NDST4: variants seen among roughly 807,000 people sequenced by gnomAD.
The protein encoded by NDST4 is N-deacetylase and N-sulfotransferase 4, also known as N-heparan sulfate sulfotransferase 4.
NDST4 carries 63 observed loss-of-function variants against 100.8 expected under a neutral mutation model. The observed-to-expected ratio is 0.62, with a 90% CI of 0.51 to 0.77. The LOEUF (loss-of-function observed/expected upper bound fraction) is 0.77. NDST4 is among the 30% of genes least tolerant of loss of function. The pLI, the probability that NDST4 is intolerant of heterozygous loss-of-function variation, is 0.00. For missense variants in NDST4, 943 were observed against 1,018.4 expected, an observed-to-expected ratio of 0.93 and a Z score of 1.01; for synonymous variants, 377 against 361.8, an observed-to-expected ratio of 1.04 and a Z score of -0.48.
intron 2 of NDST4, among the ~76,000 whole-genome samples, chr4:115,036,860 T>C (rs1728243933): frequency 6.6e-6 from 1 of 152,038 alleles, no homozygotes; most frequent in Admixed American, 6.6e-5. Flanking sequence ...TTATATAATA[T>C]CCTTCAAACT....
intron 6 of NDST4, among the ~76,000 whole-genome samples, chr4:114,898,645 T>C (rs2126209136): frequency 6.6e-6 from 1 of 152,326 alleles, no homozygotes; most frequent in African/African-American, 2.4e-5. Context: ...ATCTTGGTAA[T>C]ATTGAGTCTT....
In NDST4 at chr4:114,889,804, T is replaced by C. The variant is rs116422999; in HGVS notation, c.1537-18854A>G. On this transcript the variant is annotated intron_variant, in intron 6 of 13. Coordinates refer to ENST00000264363, the MANE Select transcript of NDST4 (RefSeq NM_022569.3). ...TTCGGGCTTCATCGTTTTCTAACTG[T>C]TGGCTATGGGGAATTTTTTTATTTT... 7.4e-3 allele frequency among the ~76,000 whole-genome samples: 1,121 copies of C among 152,292 alleles called. 4 individuals are homozygous for C. The highest frequency in any genetic ancestry group is 0.011 in the Non-Finnish European group (762 of 68,026).
chr4:115,038,431 C>T (rs568597531), intron 2 of NDST4, among the ~76,000 whole-genome samples: 6 of 152,140 alleles, frequency 3.9e-5, no homozygotes, highest in African/African-American at 1.4e-4. Flanking sequence ...AAGACTAAAT[C>T]CCTCTGGTTT....
chr4:114,867,665 C>CAAAAAAAAAAAAAAAAAAAAAAAAAA, intron 7 of NDST4, among the ~76,000 whole-genome samples: 58 of 79,844 alleles, frequency 7.3e-4, no homozygotes, highest in Non-Finnish European at 8.1e-4. Flanking sequence ...AAAAAAAAAG[C>CAAAAAAAAAAAAAAAAAAAAAAAAAA]AAAAAAAAAA....
intron 10 of NDST4, among the ~76,000 whole-genome samples, chr4:114,844,784 C>T (rs578213648): frequency 5.9e-5 from 9 of 152,206 alleles, no homozygotes; most frequent in South Asian, 2.1e-4. Context: ...GAACACTTTC[C>T]TCTTGTTATT....
chr4:115,083,483 A>C (rs997100434), intron 1 of NDST4, among the ~76,000 whole-genome samples: 13 of 152,250 alleles, frequency 8.5e-5, no homozygotes, highest in African/African-American at 3.1e-4. Context: ...ACCAGAAAAC[A>C]CAAAAATTAT....
chr4:114,944,850 T>G (rs1318219485), intron 4 of NDST4, among the ~76,000 whole-genome samples: 1 of 152,036 alleles, frequency 6.6e-6, no homozygotes, highest in East Asian at 1.9e-4. Context: ...ACCACCCCGG[T>G]GCTGCATTTT....
intron 6 of NDST4, among the ~76,000 whole-genome samples, chr4:114,877,772 AC>A (rs898727407): frequency 2.6e-5 from 4 of 151,940 alleles, no homozygotes; most frequent in African/African-American, 9.7e-5. Context: ...AACCTGTGAA[AC>A]CCCATCTCTA....
chr4:115,107,306 T>A (rs1238790606), intron 1 of NDST4, among the ~76,000 whole-genome samples: 1 of 152,138 alleles, frequency 6.6e-6, no homozygotes, highest in East Asian at 1.9e-4. Flanking sequence ...GTGAGACTTC[T>A]ATTTTCTAAA....
intron 7 of NDST4, among the ~76,000 whole-genome samples, chr4:114,858,158 T>C (rs1356583913): frequency 6.6e-6 from 1 of 152,314 alleles, no homozygotes; most frequent in East Asian, 1.9e-4. Context: ...GACCTGACAG[T>C]AACAGCAAAT....
intron 2 of NDST4, among the ~76,000 whole-genome samples, chr4:115,068,068 G>A (rs1251134874): frequency 6.6e-6 from 1 of 151,980 alleles, no homozygotes; most frequent in Non-Finnish European, 1.5e-5. Flanking sequence ...ACAAAGAGAA[G>A]ATTTCAAATG....
At chr4:114,981,160 C>A (rs1273578389) in intron 2 of NDST4, among the ~76,000 whole-genome samples, 1 of 148,520 alleles carries the variant, frequency 6.7e-6, no homozygotes, top group African/African-American at 2.5e-5. Flanking sequence ...TTTGAGAGTA[C>A]AATGAGCCAT....
chr4:114,917,546 G>T (rs1725199473), intron 6 of NDST4, among the ~76,000 whole-genome samples: 1 of 152,016 alleles, frequency 6.6e-6, no homozygotes, highest in Non-Finnish European at 1.5e-5. Context: ...GAGGTGGGAG[G>T]GCTGGAGGAT....
rs532436239 is a variant in NDST4 at position 114,945,203 on chromosome 4, C to A, written c.1222-7700G>T. ...AGCCTGGACAACTAGAATGAAACTC[C>A]GTCTCAAAAAAAAAAAAAAAAAAAA... On this transcript the variant is annotated intron_variant, in intron 4 of 13. Coordinates refer to ENST00000264363, the MANE Select transcript of NDST4 (RefSeq NM_022569.3). 7.9e-5 allele frequency among the ~76,000 whole-genome samples: 7 copies of A among 88,392 alleles called. No individual in the cohort carries two copies. The South Asian group carries it at 2.8e-3, about 35-fold the overall frequency. The allele number at this position is 88,392 out of a possible 152,430, so 58.0% of individuals were successfully genotyped here.
At chr4:114,893,162 G>T (rs909534087) in intron 6 of NDST4, among the ~76,000 whole-genome samples, 3 of 152,098 alleles carry the variant, frequency 2.0e-5, no homozygotes, top group Admixed American at 2.0e-4. Flanking sequence ...CATTTGGGTT[G>T]GTTCCATGTC....
intron 4 of NDST4, among the ~76,000 whole-genome samples, chr4:114,967,477 G>T (rs924089245): frequency 1.3e-5 from 2 of 151,974 alleles, no homozygotes; most frequent in African/African-American, 4.8e-5. Flanking sequence ...TCTCAGCATG[G>T]CTCTTAAAAA....
At chr4:114,872,104 C>A (rs1329106342) in intron 6 of NDST4, among the ~76,000 whole-genome samples, 1 of 151,780 alleles carries the variant, frequency 6.6e-6, no homozygotes, top group Non-Finnish European at 1.5e-5. Context: ...CAGAACTATT[C>A]CAATGTTAAT....
chr4:114,976,574 G>A (rs1456012747), intron 3 of NDST4, among the ~76,000 whole-genome samples: 1 of 151,868 alleles, frequency 6.6e-6, no homozygotes, highest in Non-Finnish European at 1.5e-5. Context: ...TTATTTAGAG[G>A]GTGAGACTGA....
At chr4:115,095,657 T>C (rs1233883772) in intron 1 of NDST4, among the ~76,000 whole-genome samples, 5 of 152,098 alleles carry the variant, frequency 3.3e-5, no homozygotes, top group African/African-American at 1.2e-4. Flanking sequence ...TCCTAGAAAA[T>C]CTTATCTTTT....
Sources: gnomAD v4.1 joint callset for allele counts (sites outside exome capture counted in the v4.1 genomes callset) on GRCh38, gnomAD v4.1.1 for gene constraint, MANE v1.5 for transcripts, NCBI Gene and HGNC (gene_info 2026-07-23, HGNC 2026-07-21) for gene names.